The following PDE12 variants were observed in gnomAD, a reference collection of about 807,000 sequenced individuals.
PDE12 encodes 2',5'-phosphodiesterase 12.
In PDE12, 26 loss-of-function variants were observed where a neutral mutation model predicts 45.4. The observed-to-expected ratio is 0.57, with a 90% CI of 0.42 to 0.79. PDE12 has a LOEUF of 0.79. Among genes scored for constraint, PDE12 ranks in the 30% least tolerant of loss-of-function variants. The pLI is 0.00. For missense variants in PDE12, 668 were observed against 790.0 expected (o/e 0.85, Z 1.85); for synonymous variants, 283 against 323.9 (o/e 0.87, Z 1.36).
rs2069712550 is a variant in PDE12, at chr3:57,560,196, C to T, written c.*192C>T. ...ATACATCTTCTCTTTCCTTGTTTTC[C>T]TCTACAATTGGAGGAGAAACAAATA... On this transcript the variant is annotated 3_prime_UTR_variant, in exon 3 of 3. Coordinates refer to ENST00000311180, the MANE Select transcript of PDE12 (RefSeq NM_177966.7). 6.9e-6 allele frequency: 9 copies of T among 1,295,216 alleles called. No homozygotes were observed. In the South Asian group the frequency reaches 2.2e-4, roughly 32 times the overall value. 80.2% of individuals were successfully genotyped at this position (1,295,216 alleles called of 1,614,324 possible).
chr3:57,656,252 C>T, the PDE12 span, among the ~76,000 whole-genome samples: 1 of 152,138 alleles, frequency 6.6e-6, no homozygotes, highest in African/African-American at 2.4e-5. Context: ...TTTTCCAGAA[C>T]ATCATATAAA....
the PDE12 span, among the ~76,000 whole-genome samples, chr3:57,614,723 T>A: frequency 1.3e-5 from 2 of 151,780 alleles, no homozygotes; most frequent in South Asian, 4.2e-4. Context: ...TTTTTTGGTA[T>A]TTTTTAGCAG....
At chr3:57,644,073 C>T in the PDE12 span, among the ~76,000 whole-genome samples, 1 of 151,280 alleles carries the variant, frequency 6.6e-6, no homozygotes, top group Non-Finnish European at 1.5e-5. Context: ...TCTCGTGAAC[C>T]CGGGAGGCGG....
At chr3:57,597,281 G>C in the PDE12 span, 3 of 766,940 alleles carry the variant, frequency 3.9e-6, no homozygotes, top group Admixed American at 2.4e-5. Context: ...AAACGTCTCA[G>C]TGGCCCCTGT....
chr3:57,646,384 C>G, the PDE12 span: 1 of 1,614,100 alleles, frequency 6.2e-7, no homozygotes, highest in Non-Finnish European at 8.5e-7. Context: ...GGGGCTCCCC[C>G]AACAGCACCA....
At chr3:57,628,800 T>C in the PDE12 span, 1 of 1,607,574 alleles carries the variant, frequency 6.2e-7, no homozygotes, top group Middle Eastern at 1.7e-4. Context: ...TTGGCTGTTT[T>C]GGCTACATAC....
chr3:57,640,810 A>G, the PDE12 span, among the ~76,000 whole-genome samples: 3 of 152,146 alleles, frequency 2.0e-5, no homozygotes, highest in Non-Finnish European at 4.4e-5. Context: ...AAATTTTCTC[A>G]TATCTTCTCA....
the PDE12 span, chr3:57,625,468 A>C: frequency 6.6e-6 from 1 of 152,634 alleles, no homozygotes; most frequent in Admixed American, 6.5e-5. Context: ...TTAAAATCCA[A>C]GGCCTTTAAT....
the PDE12 span, among the ~76,000 whole-genome samples, chr3:57,615,952 G>T: frequency 3.9e-5 from 6 of 152,022 alleles, no homozygotes; most frequent in Non-Finnish European, 7.4e-5. Context: ...GATAATGAGG[G>T]AATAATTTCA....
chr3:57,608,792 G>A, the PDE12 span, among the ~76,000 whole-genome samples: 1,549 of 152,236 alleles, frequency 0.01, 31 homozygotes, highest in African/African-American at 0.035. Flanking sequence ...AATAACGGGA[G>A]CCTTTAACAC....
chr3:57,653,659 T>C, the PDE12 span, among the ~76,000 whole-genome samples: 1 of 150,806 alleles, frequency 6.6e-6, no homozygotes, highest in Admixed American at 6.6e-5. Context: ...GGCAGGAGAA[T>C]TGCTTGAACC....
the PDE12 span, among the ~76,000 whole-genome samples, chr3:57,578,956 A>G: frequency 6.6e-6 from 1 of 152,162 alleles, no homozygotes; most frequent in Admixed American, 6.6e-5. Flanking sequence ...TAAAGTATCA[A>G]TTTTGATCAT....
At chr3:57,573,801 C>T in the PDE12 span, among the ~76,000 whole-genome samples, 8 of 152,112 alleles carry the variant, frequency 5.3e-5, no homozygotes, top group African/African-American at 1.4e-4. Context: ...AGGCTGGTCT[C>T]GAACTCCTGG....
At chr3:57,638,790 T>C in the PDE12 span, among the ~76,000 whole-genome samples, 1 of 151,816 alleles carries the variant, frequency 6.6e-6, no homozygotes, top group South Asian at 2.1e-4. Flanking sequence ...CCCATTAGGA[T>C]GGTTACTATC....
the PDE12 span, among the ~76,000 whole-genome samples, chr3:57,655,429 G>T: frequency 6.6e-6 from 1 of 152,280 alleles, no homozygotes; most frequent in East Asian, 1.9e-4. Context: ...GCTAATCAAA[G>T]GTGTTAGTGA....
At chr3:57,574,836 A>G in the PDE12 span, among the ~76,000 whole-genome samples, 1 of 151,850 alleles carries the variant, frequency 6.6e-6, no homozygotes, top group Admixed American at 6.6e-5. Flanking sequence ...CTAGCAACAA[A>G]GCGAGACCCC....
the PDE12 span, among the ~76,000 whole-genome samples, chr3:57,640,859 T>C: frequency 3.9e-5 from 6 of 152,104 alleles, no homozygotes; most frequent in African/African-American, 1.4e-4. Flanking sequence ...TACCATTTAG[T>C]TGTCATCTAG....
chr3:57,573,825 G>A, the PDE12 span, among the ~76,000 whole-genome samples: 28 of 152,208 alleles, frequency 1.8e-4, 1 homozygote, highest in East Asian at 1.4e-3. Context: ...CAAGTGATCC[G>A]CCCACCTTCG....
At chr3:57,642,036 C>T in the PDE12 span, among the ~76,000 whole-genome samples, 12 of 152,014 alleles carry the variant, frequency 7.9e-5, no homozygotes, top group African/African-American at 2.4e-4. Context: ...AACAATTAGC[C>T]GAGCGCGGTG....
Sources: allele counts gnomAD v4.1 joint callset (sites outside exome capture counted in the v4.1 genomes callset), GRCh38; gene constraint gnomAD v4.1.1; transcripts MANE v1.5; gene names NCBI Gene and HGNC (gene_info 2026-07-23, HGNC 2026-07-21).